The following CHST9 variants were observed in gnomAD, a reference collection of about 807,000 sequenced individuals.
CHST9 encodes GalNAc-4-sulfotransferase 2.
A neutral mutation model predicts 44.4 loss-of-function variants in CHST9; 41 were observed. The observed-to-expected ratio is 0.92, with a 90% CI of 0.72 to 1.20. The LOEUF is 1.20. Among genes scored for constraint, CHST9 ranks in the 50% most tolerant of loss-of-function variants. CHST9 has a pLI of 0.00. For missense variants in CHST9, 504 were observed against 516.5 expected (o/e 0.98, Z 0.23); for synonymous variants, 171 against 178.4 (o/e 0.96, Z 0.33).
rs62083758 is a variant in CHST9, at chr18:26,947,911, G to A, written c.203-3545C>T. Among the ~76,000 whole-genome samples the A allele has an allele frequency of 8.4e-3, 1,285 of 152,246 alleles. 9 individuals are homozygous for A. The highest frequency in any genetic ancestry group is 0.014 in the Non-Finnish European group (963 of 68,018). On this transcript the variant is annotated intron_variant, in intron 4 of 5. Transcript: ENST00000618847. Reference sequence around the variant, plus strand: ...CCCATTACTGGATATATACCCAAAGGATTATAAATCATTCTACTATAAAGA... The same window carrying A: ...CCCATTACTGGATATATACCCAAAGAATTATAAATCATTCTACTATAAAGA...
intron 4 of CHST9, among the ~76,000 whole-genome samples, chr18:26,988,846 G>A (rs1345888470): frequency 6.6e-6 from 1 of 151,976 alleles, no homozygotes; most frequent in Non-Finnish European, 1.5e-5. Flanking sequence ...TATGTTTTCT[G>A]GCCATAATGG....
chr18:27,037,839 T>A (rs1027041256), intron 3 of CHST9, among the ~76,000 whole-genome samples: 1 of 128,666 alleles, frequency 7.8e-6, no homozygotes, highest in Non-Finnish European at 1.8e-5. Flanking sequence ...TAGTTAAGTT[T>A]TTTTTTTTTT....
At chr18:27,096,401 A>G (rs2058117282) in intron 2 of CHST9, among the ~76,000 whole-genome samples, 1 of 151,992 alleles carries the variant, frequency 6.6e-6, no homozygotes, top group Non-Finnish European at 1.5e-5. Context: ...CACTAATCCC[A>G]AAGATAGCAG....
chr18:27,136,921 G>A (rs1229087236), intron 2 of CHST9, among the ~76,000 whole-genome samples: 7 of 152,126 alleles, frequency 4.6e-5, no homozygotes, highest in African/African-American at 1.7e-4. Flanking sequence ...AAAATCTCAG[G>A]AAAATATATA....
At chr18:27,113,137 G>A (rs1011472053) in intron 2 of CHST9, among the ~76,000 whole-genome samples, 22 of 151,250 alleles carry the variant, frequency 1.5e-4, no homozygotes, top group African/African-American at 3.6e-4. Flanking sequence ...TGCAGTAAGC[G>A]GAGATCACGC....
chr18:27,122,966 A>C lies in CHST9; in HGVS notation c.121+19723T>G, dbSNP rs1485595978. The stretch of plus-strand genomic sequence containing the variant: ...CCTCATGGTTTAGGTGAGGAGACGC[A>C]TCTGTGTGGACTGAGGGCCTTGGCT... On this transcript the variant is annotated intron_variant, in intron 2 of 5. Transcript: ENST00000618847. 2.0e-5 allele frequency among the ~76,000 whole-genome samples: 3 copies of C among 152,218 alleles called. No homozygotes were observed. In the East Asian group the frequency reaches 5.8e-4, roughly 29 times the overall value.
At chr18:27,154,776 A>G (rs191019776) in intron 1 of CHST9, among the ~76,000 whole-genome samples, 28 of 152,152 alleles carry the variant, frequency 1.8e-4, no homozygotes, top group African/African-American at 5.8e-4. Flanking sequence ...GCTTTGTGAC[A>G]CAGCTCATTA....
Position 27,160,017 on chromosome 18 carries a change from A to G in CHST9, c.-96-17112T>C, listed in dbSNP as rs1169498251. 5.3e-5 allele frequency among the ~76,000 whole-genome samples: 8 copies of G among 152,284 alleles called. No individual in the cohort carries two copies. In the East Asian group the frequency reaches 5.8e-4, roughly 11 times the overall value. On this transcript the variant is annotated intron_variant, in intron 1 of 5. Transcript: ENST00000618847. ...GCTTAAGGAGATTTTGGGCTGAGAC[A>G]ATGGGGTTTTCTAGGTATACAATCA...
At chr18:27,012,922 T>C (rs1316405843) in intron 4 of CHST9, among the ~76,000 whole-genome samples, 1 of 152,234 alleles carries the variant, frequency 6.6e-6, no homozygotes, top group Non-Finnish European at 1.5e-5. Context: ...TTTAATACAC[T>C]GTACATAGGA....
intron 4 of CHST9, among the ~76,000 whole-genome samples, chr18:27,014,069 C>T (rs1487252901): frequency 6.6e-6 from 1 of 152,146 alleles, no homozygotes. Flanking sequence ...TTCAAGAACT[C>T]TGCAACCAGG....
chr18:27,159,587 T>G (rs2058728933), intron 1 of CHST9, among the ~76,000 whole-genome samples: 1 of 152,202 alleles, frequency 6.6e-6, no homozygotes, highest in South Asian at 2.1e-4. Flanking sequence ...GACTTGGCAA[T>G]GCAGGCTCGT....
intron 4 of CHST9, among the ~76,000 whole-genome samples, chr18:26,983,582 G>A: frequency 6.6e-6 from 1 of 152,134 alleles, no homozygotes; most frequent in East Asian, 1.9e-4. Flanking sequence ...GCCATGGGTC[G>A]ATTAAATCTC....
At chr18:26,972,525 T>A (rs1177431862) in intron 4 of CHST9, among the ~76,000 whole-genome samples, 1 of 138,754 alleles carries the variant, frequency 7.2e-6, no homozygotes, top group Non-Finnish European at 1.6e-5. Context: ...TGGCCGTGTG[T>A]TTAGGCAGCA....
intron 4 of CHST9, among the ~76,000 whole-genome samples, chr18:26,956,360 T>C (rs1336654713): frequency 6.9e-6 from 1 of 145,926 alleles, no homozygotes; most frequent in Non-Finnish European, 1.5e-5. Flanking sequence ...CACAATTATA[T>C]CATATATACA....
intron 4 of CHST9, among the ~76,000 whole-genome samples, chr18:26,965,106 T>G (rs1050867041): frequency 2.0e-5 from 3 of 152,230 alleles, no homozygotes; most frequent in Admixed American, 6.5e-5. Context: ...TATTTACAAC[T>G]GAATGCATTC....
chr18:27,145,270 C>A (rs2143878355), intron 1 of CHST9, among the ~76,000 whole-genome samples: 1 of 152,278 alleles, frequency 6.6e-6, no homozygotes, highest in Non-Finnish European at 1.5e-5. Flanking sequence ...TGGCTCGCCG[C>A]AACCTCCACC....
intron 3 of CHST9, among the ~76,000 whole-genome samples, chr18:27,044,639 T>C (rs1183402502): frequency 6.6e-6 from 1 of 152,094 alleles, no homozygotes. Context: ...ATTAAAACTA[T>C]GACAAAATAG....
intron 2 of CHST9, among the ~76,000 whole-genome samples, chr18:27,069,343 T>C (rs73944507): frequency 0.11 from 17,079 of 152,176 alleles, 1,069 homozygotes; most frequent in East Asian, 0.32. Context: ...TGATCCCACC[T>C]GTGACATACT....
intron 2 of CHST9, among the ~76,000 whole-genome samples, chr18:27,119,655 T>A (rs1189068624): frequency 8.7e-6 from 1 of 114,394 alleles, no homozygotes; most frequent in Admixed American, 8.8e-5. Context: ...TGTTTTGGGT[T>A]TTTTTTTTTT....
Sources: allele counts gnomAD v4.1 joint callset (sites outside exome capture counted in the v4.1 genomes callset), GRCh38; gene constraint gnomAD v4.1.1; transcripts MANE v1.5; gene names NCBI Gene and HGNC (gene_info 2026-07-23, HGNC 2026-07-21).